Variants in LYN observed in about 807,000 individuals in gnomAD.
LYN encodes the protein tyrosine-protein kinase Lyn.
Under a neutral mutation model 65.0 loss-of-function variants are expected in LYN, and 12 were observed. That is an observed-to-expected ratio of 0.18 (90% CI 0.12 to 0.30). The LOEUF is 0.30. LYN is among the 10% of genes least tolerant of loss of function. The pLI is 1.00. For synonymous variants in LYN, 222 were observed against 221.2 expected (o/e 1.00, Z -0.03); for missense variants, 380 against 623.2 (o/e 0.61, Z 4.16).
chr8:56,000,137 A>T (rs2130586399), intron 12 of LYN, among the ~76,000 whole-genome samples: 1 of 152,170 alleles, frequency 6.6e-6, no homozygotes, highest in African/African-American at 2.4e-5. Flanking sequence ...TGGTGTCGAG[A>T]TGAGGATGGA....
intron 1 of LYN, among the ~76,000 whole-genome samples, chr8:55,910,881 T>C (rs1184855518): frequency 6.7e-6 from 1 of 150,348 alleles, no homozygotes; most frequent in Admixed American, 6.6e-5. Context: ...CCTTGGTTTT[T>C]GGCTTTTTAC....
intron 1 of LYN, among the ~76,000 whole-genome samples, chr8:55,903,352 A>T (rs1805331834): frequency 6.6e-6 from 1 of 152,226 alleles, no homozygotes; most frequent in Admixed American, 6.5e-5. Flanking sequence ...TGAGGTGTTT[A>T]TTTGAAGTAT....
intron 8 of LYN, chr8:55,955,040 CTTTG>C (rs1807065923): frequency 6.6e-6 from 1 of 152,098 alleles, no homozygotes; most frequent in Non-Finnish European, 1.5e-5. Flanking sequence ...TCTGTGTCAG[CTTTG>C]TTGAGTGAAA....
chr8:55,992,477 C>A (rs904856959), intron 10 of LYN, among the ~76,000 whole-genome samples: 1 of 152,182 alleles, frequency 6.6e-6, no homozygotes, highest in African/African-American at 2.4e-5. Flanking sequence ...CTTTCCCTCA[C>A]CCCAGCTCCA....
rs1442485586 is a variant in LYN at position 55,911,284 on chromosome 8, TA to T, written c.-5-30570del. On this transcript the variant is annotated intron_variant, in intron 1 of 12. Transcript: ENST00000519728. ...ATATATATATATATATATATATATA[TA>T]TTTTTTTTTTTTTTTTAGTAGAGAC... is the stretch of plus-strand genomic sequence containing the variant. Among the ~76,000 whole-genome samples, 35 of 45,550 alleles carry T rather than the reference TA, an allele frequency of 7.7e-4. 3 individuals carry two copies. Among genetic ancestry groups the T allele is most frequent in the African/African-American group, 2.2e-3 (20 of 9,232 alleles). 29.9% of individuals were successfully genotyped at this position (45,550 alleles called of 152,430 possible).
At chr8:55,988,132 A>C (rs916572076) in intron 10 of LYN, among the ~76,000 whole-genome samples, 1 of 152,184 alleles carries the variant, frequency 6.6e-6, no homozygotes, top group Non-Finnish European at 1.5e-5. Context: ...CCTCCATCCA[A>C]ATTATGGATT....
chr8:56,000,039 C>G (rs1808472822), intron 12 of LYN, among the ~76,000 whole-genome samples: 1 of 152,164 alleles, frequency 6.6e-6, no homozygotes, highest in Non-Finnish European at 1.5e-5. Flanking sequence ...AGTGCTTAGA[C>G]ACTTCTTTGC....
intron 1 of LYN, among the ~76,000 whole-genome samples, chr8:55,937,232 G>C (rs557851031): frequency 6.6e-6 from 1 of 152,284 alleles, no homozygotes; most frequent in Non-Finnish European, 1.5e-5. Flanking sequence ...GGTGGTGGAT[G>C]TCCTCTTAGA....
chr8:55,984,225 C>T (rs564783563), intron 10 of LYN, among the ~76,000 whole-genome samples: 6 of 152,082 alleles, frequency 3.9e-5, no homozygotes, highest in Non-Finnish European at 5.9e-5. Context: ...TCTGAGGTTC[C>T]GGGTGGTCGT....
chr8:55,885,463 T>G (rs1286797479), intron 1 of LYN, among the ~76,000 whole-genome samples: 1 of 152,218 alleles, frequency 6.6e-6, no homozygotes, highest in Non-Finnish European at 1.5e-5. Flanking sequence ...TGGAAGCTTC[T>G]TTCCAGTCCC....
At chr8:55,911,722 G>A (rs1205026955) in intron 1 of LYN, among the ~76,000 whole-genome samples, 2 of 152,232 alleles carry the variant, frequency 1.3e-5, no homozygotes, top group African/African-American at 2.4e-5. Flanking sequence ...GAGTCAAAGC[G>A]ACATGAGATT....
chr8:55,966,939 C>T (rs770005199), intron 9 of LYN, 42 bp downstream of exon 9: 1 of 1,571,518 alleles, frequency 6.4e-7, no homozygotes, highest in Admixed American at 1.8e-5. Flanking sequence ...GGGCTTCAAA[C>T]TCAAAAAGTA....
chr8:55,997,526 G>A (rs920029977), intron 10 of LYN, among the ~76,000 whole-genome samples: 1 of 152,084 alleles, frequency 6.6e-6, no homozygotes, highest in Non-Finnish European at 1.5e-5. Flanking sequence ...AGCTCTCTGG[G>A]GTCTCTTTTA....
intron 1 of LYN, among the ~76,000 whole-genome samples, chr8:55,900,550 T>C (rs1018602939): frequency 5.5e-4 from 83 of 150,916 alleles, no homozygotes; most frequent in Non-Finnish European, 1.0e-3. Flanking sequence ...TTTTTTTTTT[T>C]TTTTTTTTTT....
At chr8:55,970,432 T>C (rs535656484) in intron 10 of LYN, among the ~76,000 whole-genome samples, 1 of 152,280 alleles carries the variant, frequency 6.6e-6, no homozygotes, top group East Asian at 1.9e-4. Flanking sequence ...AATGCACACT[T>C]GAATGATGCC....
At chr8:55,914,472 A>C (rs1428704948) in intron 1 of LYN, among the ~76,000 whole-genome samples, 3 of 152,122 alleles carry the variant, frequency 2.0e-5, no homozygotes, top group Non-Finnish European at 4.4e-5. Context: ...GTTCCTTCAG[A>C]GCTCAGAGAG....
intron 10 of LYN, 118 bp downstream of exon 10, chr8:55,969,911 C>T: frequency 2.2e-6 from 2 of 891,732 alleles, no homozygotes; most frequent in Non-Finnish European, 3.7e-6. Flanking sequence ...TTCCCAGCAG[C>T]AGTTATGAGA....
intron 10 of LYN, among the ~76,000 whole-genome samples, chr8:55,997,123 C>T (rs1356519302): frequency 1.3e-5 from 2 of 149,254 alleles, no homozygotes; most frequent in South Asian, 4.2e-4. Flanking sequence ...GATCATGCTA[C>T]TGCACTCCAG....
rs7463904 is a variant in LYN, at chr8:55,993,983, C to T, written c.1051-4363C>T. Among the ~76,000 whole-genome samples, 892 of 152,248 alleles carry T rather than the reference C, an allele frequency of 5.9e-3. 24 individuals are homozygous for T. Among genetic ancestry groups the T allele is most frequent in the East Asian group, 0.048 (248 of 5,178 alleles). On this transcript the variant is annotated intron_variant, in intron 10 of 12. Transcript: ENST00000519728. ...TGACAGCTCTTTCTGTAGTGCTGAA[C>T]GCTACATGGCCCTGGAAGAGGAAGA...
Sources: allele counts gnomAD v4.1 joint callset (sites outside exome capture counted in the v4.1 genomes callset), GRCh38; gene constraint gnomAD v4.1.1; transcripts MANE v1.5; gene names NCBI Gene and HGNC (gene_info 2026-07-23, HGNC 2026-07-21).